Variants in GFRA2 observed in about 807,000 individuals in gnomAD.
GFRA2 encodes GDNF family receptor alpha-2.
GFRA2 carries 17 observed loss-of-function variants against 48.3 expected under a neutral mutation model. That is an observed-to-expected ratio of 0.35 (90% CI 0.24 to 0.53). The LOEUF is 0.53. Ranked by LOEUF, GFRA2 falls within the 20% of genes least tolerant of loss-of-function variation. The pLI is 0.93. For synonymous variants in GFRA2, 305 were observed against 257.2 expected (o/e 1.19, Z -1.78); for missense variants, 660 against 637.3 (o/e 1.04, Z -0.38).
rs140841394 is a variant in GFRA2 at position 21,757,674 on chromosome 8, A to T, written c.440-6732T>A. 2.9e-3 allele frequency among the ~76,000 whole-genome samples: 434 copies of T among 151,304 alleles called. 2 individuals are homozygous for T. Among genetic ancestry groups the T allele is most frequent in the African/African-American group, 1.0e-2 (411 of 41,226 alleles). ...CCACACTCAGCTAATTATTTTTTGT[A>T]TTTTTTTTAGTAGAGACGGGGTTTT... On this transcript the variant is annotated intron_variant, in intron 3 of 8. Coordinates refer to ENST00000524240, the MANE Select transcript of GFRA2 (RefSeq NM_001495.5).
intron 5 of GFRA2, 29 bp downstream of exon 5, chr8:21,705,903 C>A: frequency 6.9e-7 from 1 of 1,454,512 alleles, no homozygotes; most frequent in Admixed American, 2.0e-5. Flanking sequence ...CAAGGACCCA[C>A]AGAGCCCAGG....
At chr8:21,700,514 T>C (rs1332146690) in intron 7 of GFRA2, among the ~76,000 whole-genome samples, 1 of 152,092 alleles carries the variant, frequency 6.6e-6, no homozygotes, top group Non-Finnish European at 1.5e-5. Flanking sequence ...GGGGAGCAGA[T>C]TTGGAGGAGG....
chr8:21,778,615 G>C (rs1398786015), intron 2 of GFRA2, among the ~76,000 whole-genome samples: 1 of 152,232 alleles, frequency 6.6e-6, no homozygotes, highest in African/African-American at 2.4e-5. Flanking sequence ...CAGGCAGGAC[G>C]CAGCGGCTTA....
chr8:21,782,919 G>T lies in GFRA2; in HGVS notation c.41-20C>A. 9 of 1,537,824 alleles carry T rather than the reference G, an allele frequency of 5.9e-6. No individual in the cohort carries two copies. Among genetic ancestry groups the T allele is most frequent in the Non-Finnish European group, 7.8e-6 (9 of 1,147,068 alleles). ...TCTCGTCTGGGTGGTGGGGAGGGAA[G>T]ACAAGCATGAATGACGGCCGCCACA... is the stretch of plus-strand genomic sequence containing the variant. On this transcript the variant is annotated intron_variant, in intron 1 of 8. Transcript: ENST00000524240.
chr8:21,747,553 G>A (rs867827456), intron 4 of GFRA2, among the ~76,000 whole-genome samples: 5 of 151,996 alleles, frequency 3.3e-5, no homozygotes, highest in East Asian at 1.9e-4. Context: ...GCCCCTCTCC[G>A]AACTCCAGGA....
At chr8:21,807,709 C>T (rs1036447895) in intron 1 of GFRA2, among the ~76,000 whole-genome samples, 24 of 152,180 alleles carry the variant, frequency 1.6e-4, no homozygotes, top group African/African-American at 5.8e-4. Context: ...CTTATAAGAA[C>T]TCCAGAGAAA....
chr8:21,793,324 A>G (rs1807610739), upstream of GFRA2, among the ~76,000 whole-genome samples: 2 of 152,108 alleles, frequency 1.3e-5, no homozygotes, highest in Non-Finnish European at 2.9e-5. Flanking sequence ...TTAGGAGGTG[A>G]TTGTAACAGT....
intron 2 of GFRA2, among the ~76,000 whole-genome samples, chr8:21,778,457 G>A (rs903626107): frequency 7.2e-5 from 11 of 152,170 alleles, no homozygotes; most frequent in African/African-American, 2.4e-4. Context: ...TTCTAGGCAG[G>A]GCCCAGAGGA....
At chr8:21,796,904 C>A (rs1807687048) in intron 2 of GFRA2, among the ~76,000 whole-genome samples, 1 of 152,206 alleles carries the variant, frequency 6.6e-6, no homozygotes, top group Non-Finnish European at 1.5e-5. Flanking sequence ...CTTCAACAGC[C>A]TTCGGTGCTT....
At chr8:21,780,295 C>A (rs1377327288) in intron 2 of GFRA2, among the ~76,000 whole-genome samples, 1 of 152,094 alleles carries the variant, frequency 6.6e-6, no homozygotes, top group Non-Finnish European at 1.5e-5. Flanking sequence ...CTGAGGCACA[C>A]AGCAGGTGTC....
chr8:21,787,512 G>A (rs1807341919), intron 1 of GFRA2, among the ~76,000 whole-genome samples: 1 of 152,172 alleles, frequency 6.6e-6, no homozygotes, highest in Non-Finnish European at 1.5e-5. Context: ...CTTGAAAAGT[G>A]TTCCGGGGAG....
intron 6 of GFRA2, among the ~76,000 whole-genome samples, chr8:21,703,525 C>T (rs150940744): frequency 1.8e-4 from 28 of 152,290 alleles, no homozygotes; most frequent in Admixed American, 3.3e-4. Flanking sequence ...AGAAAATCTC[C>T]GCCTCCACGA....
chr8:21,737,668 T>G (rs936471953), intron 4 of GFRA2, among the ~76,000 whole-genome samples: 1 of 152,120 alleles, frequency 6.6e-6, no homozygotes, highest in Non-Finnish European at 1.5e-5. Context: ...CTCCCCCTCC[T>G]GTCCTCTTCT....
In GFRA2 at chr8:21,702,939, T is replaced by C; in HGVS notation, c.1084A>G (p.Asn362Asp). The change falls in exon 7 of 9, where the codon AAC becomes GAC. Residue 362 changes from asparagine (N) to aspartate (D), a missense_variant. By Grantham distance (23) the Asn-to-Asp change is conservative. Coordinates refer to ENST00000524240, the MANE Select transcript of GFRA2 (RefSeq NM_001495.5). The stretch of plus-strand genomic sequence containing the variant: ...AACGAGGGGCCTTTTGGGGACACGT[T>C]CACGTCCGTGCCGTTGCCAAAGGCC... ...IQAFGNGTDVNVSPKGPSFQA... is the reference protein window; with the variant it reads ...IQAFGNGTDVDVSPKGPSFQA... 6.4e-7 allele frequency: 1 copy of C among 1,567,672 alleles called. No homozygotes were observed. The highest frequency in any genetic ancestry group is 1.2e-5 in the South Asian group (1 of 81,616).
At chr8:21,720,086 T>C (rs1803521432) in intron 4 of GFRA2, among the ~76,000 whole-genome samples, 1 of 152,152 alleles carries the variant, frequency 6.6e-6, no homozygotes, top group Non-Finnish European at 1.5e-5. Context: ...AGCCTCACAA[T>C]CCATGCAAAC....
rs1012184624 is a variant in GFRA2, at chr8:21,734,404, G to A, written c.794+16184C>T. Among the ~76,000 whole-genome samples, 4 of 152,246 alleles carry A rather than the reference G, an allele frequency of 2.6e-5. No homozygotes were observed. The East Asian group carries it at 7.7e-4, about 29-fold the overall frequency. ...CATGCAGACCTTTCTCCTGCTGGAA[G>A]CAGACCAGGTCTGCAGGCCAGCAGA... On this transcript the variant is annotated intron_variant, in intron 4 of 8. Coordinates refer to ENST00000524240, the MANE Select transcript of GFRA2 (RefSeq NM_001495.5).
chr8:21,774,931 C>T (rs955571006), intron 3 of GFRA2, 41 bp downstream of exon 3: 90 of 1,098,806 alleles, frequency 8.2e-5, no homozygotes, highest in South Asian at 1.3e-4. Context: ...GCCACAGGGA[C>T]GAGAGGAGAA....
Position 21,705,145 on chromosome 8 carries a change from G to A in GFRA2, c.905-20C>T. 1 of 1,601,200 alleles carries A rather than the reference G, an allele frequency of 6.2e-7. No homozygotes were observed. The highest frequency in any genetic ancestry group is 8.5e-7 in the Non-Finnish European group (1 of 1,174,566). ...CAAACCCTGGGCAGGAAGAAAGGTG[G>A]GGGAGAGGAGAGAGGTACGGTGGGG... On this transcript the variant is annotated intron_variant, in intron 5 of 8. Coordinates refer to ENST00000524240, the MANE Select transcript of GFRA2 (RefSeq NM_001495.5).
chr8:21,720,967 C>T (rs144709274), intron 4 of GFRA2, among the ~76,000 whole-genome samples: 7 of 139,828 alleles, frequency 5.0e-5, no homozygotes, highest in African/African-American at 1.9e-4. Context: ...CAGTTGCCAC[C>T]GGATGGAGGG....
Sources: gnomAD v4.1 joint callset for allele counts (sites outside exome capture counted in the v4.1 genomes callset) on GRCh38, gnomAD v4.1.1 for gene constraint, MANE v1.5 for transcripts, NCBI Gene and HGNC (gene_info 2026-07-23, HGNC 2026-07-21) for gene names.